PARG: variants seen among roughly 807,000 people sequenced by gnomAD.
The protein encoded by PARG is poly(ADP-ribose) glycohydrolase, also known as mitochondrial poly(ADP-ribose) glycohydrolase.
PARG carries 35 observed loss-of-function variants against 113.0 expected under a neutral mutation model. The observed-to-expected ratio is 0.31, with a 90% CI of 0.24 to 0.41. The LOEUF is 0.41. Among genes scored for constraint, PARG ranks in the 10% least tolerant of loss-of-function variants. The pLI, the probability that PARG is intolerant of heterozygous loss-of-function variation, is 1.00. For missense variants in PARG, 797 were observed against 1,169.4 expected (o/e 0.68, Z 4.64); for synonymous variants, 330 against 409.9 (o/e 0.81, Z 2.36).
chr10:49,914,383 T>C, intron 7 of PARG, among the ~76,000 whole-genome samples: 1 of 152,202 alleles, frequency 6.6e-6, no homozygotes, highest in African/African-American at 2.4e-5. Context: ...GACATTTAGA[T>C]TCAAGGATAT....
chr10:49,894,719 G>A (rs1316767422), intron 7 of PARG, among the ~76,000 whole-genome samples: 3 of 152,072 alleles, frequency 2.0e-5, no homozygotes, highest in African/African-American at 2.4e-5. Context: ...TTACTACTTC[G>A]TTCCACTGAT....
At chr10:49,879,288 C>G in intron 9 of PARG, among the ~76,000 whole-genome samples, 1 of 151,546 alleles carries the variant, frequency 6.6e-6, no homozygotes, top group Non-Finnish European at 1.5e-5. Context: ...TTTCCTCTAC[C>G]TTTCACAGTA....
In PARG at chr10:49,831,708, G is replaced by C. The variant is rs61846895; in HGVS notation, c.2647+1095C>G. 2.7e-3 allele frequency among the ~76,000 whole-genome samples: 415 copies of C among 152,272 alleles called. 3 individuals are homozygous for C. The highest frequency in any genetic ancestry group is 4.8e-3 in the Non-Finnish European group (326 of 68,010). Reference sequence around the variant, plus strand: ...GGAGAGTGGGGTGCCCTGACACTAAGGGGAAGGGTTGTAGAAGCTCTGCTT... The same window carrying C: ...GGAGAGTGGGGTGCCCTGACACTAACGGGAAGGGTTGTAGAAGCTCTGCTT... On this transcript the variant is annotated intron_variant, in intron 16 of 17. Coordinates refer to ENST00000616448, the MANE Select transcript of PARG (RefSeq NM_003631.5).
At chr10:49,856,356 T>G (rs1441151841) in intron 13 of PARG, among the ~76,000 whole-genome samples, 1 of 151,554 alleles carries the variant, frequency 6.6e-6, no homozygotes, top group Non-Finnish European at 1.5e-5. Context: ...ATTTTTGTAT[T>G]TTTAGTAGAG....
At chr10:49,902,381 A>G (rs1386544527) in intron 7 of PARG, among the ~76,000 whole-genome samples, 1 of 152,224 alleles carries the variant, frequency 6.6e-6, no homozygotes, top group African/African-American at 2.4e-5. Context: ...GTACGTAGCT[A>G]TATCACATAA....
intron 7 of PARG, among the ~76,000 whole-genome samples, chr10:49,888,876 G>C (rs1261951437): frequency 6.6e-6 from 1 of 151,856 alleles, no homozygotes; most frequent in African/African-American, 2.4e-5. Context: ...CTAAACTCTG[G>C]GTTTTGTTTT....
chr10:49,908,712 A>G (rs1385532818), intron 7 of PARG, among the ~76,000 whole-genome samples: 1 of 152,186 alleles, frequency 6.6e-6, no homozygotes, highest in African/African-American at 2.4e-5. Context: ...ATGTTAAATC[A>G]AGCTAAGTAA....
At chr10:49,892,682 A>G (rs1243753452) in intron 7 of PARG, among the ~76,000 whole-genome samples, 1 of 152,228 alleles carries the variant, frequency 6.6e-6, no homozygotes, top group African/African-American at 2.4e-5. Context: ...GGCTTTTGTC[A>G]TGTTGTCATC....
intron 7 of PARG, among the ~76,000 whole-genome samples, chr10:49,894,913 T>C (rs1320734177): frequency 3.8e-3 from 578 of 152,022 alleles, no homozygotes; most frequent in East Asian, 0.015. Flanking sequence ...CTCTTCCTGG[T>C]CTCTTCCTAG....
intron 7 of PARG, among the ~76,000 whole-genome samples, chr10:49,897,837 C>G (rs1365951355): frequency 6.6e-6 from 1 of 152,064 alleles, no homozygotes; most frequent in Non-Finnish European, 1.5e-5. Flanking sequence ...ACTAAAAATA[C>G]AAAAATTAGC....
At chr10:49,837,058 A>T (rs1554831230) in intron 15 of PARG, among the ~76,000 whole-genome samples, 1 of 152,188 alleles carries the variant, frequency 6.6e-6, no homozygotes, top group African/African-American at 2.4e-5. Flanking sequence ...TACCCAGCTG[A>T]TCTCTCACAG....
At chr10:49,840,100 C>T (rs1327879282) in intron 15 of PARG, among the ~76,000 whole-genome samples, 2 of 152,114 alleles carry the variant, frequency 1.3e-5, no homozygotes, top group Admixed American at 6.5e-5. Context: ...GTAAAAGATA[C>T]TTTTCAGGCA....
chr10:49,820,781 G>A (rs1158017637), intron 16 of PARG, among the ~76,000 whole-genome samples: 1 of 151,846 alleles, frequency 6.6e-6, no homozygotes, highest in African/African-American at 2.4e-5. Flanking sequence ...TAGTTGTGTG[G>A]CTTTTCAGAC....
At chr10:49,917,531 A>G (rs180870885) in intron 6 of PARG, among the ~76,000 whole-genome samples, 210 of 149,828 alleles carry the variant, frequency 1.4e-3, no homozygotes, top group African/African-American at 3.1e-3. Flanking sequence ...AAGAATTAAG[A>G]GATTTTGGCC....
At chr10:49,820,321 T>C (rs760494474) in intron 16 of PARG, 28 bp from the exon 17 acceptor site, 30 of 1,520,822 alleles carry the variant, frequency 2.0e-5, no homozygotes, top group Non-Finnish European at 2.6e-5. Flanking sequence ...GACACGGCTA[T>C]ATCATGACAT....
At chr10:49,891,230 C>T (rs1239070372) in intron 7 of PARG, among the ~76,000 whole-genome samples, 1 of 152,194 alleles carries the variant, frequency 6.6e-6, no homozygotes, top group Non-Finnish European at 1.5e-5. Context: ...AGGAGAATTG[C>T]CTGAACCCGG....
chr10:49,895,894 T>A (rs1426575417), intron 7 of PARG, among the ~76,000 whole-genome samples: 9 of 152,364 alleles, frequency 5.9e-5, no homozygotes, highest in Non-Finnish European at 1.2e-4. Context: ...ATGAAATTTT[T>A]AAAATTTCAT....
intron 9 of PARG, among the ~76,000 whole-genome samples, chr10:49,877,151 A>C (rs1846981720): frequency 6.6e-6 from 1 of 150,936 alleles, no homozygotes; most frequent in South Asian, 2.1e-4. Context: ...CTTATATTCA[A>C]GTCATCTGCT....
intron 16 of PARG, among the ~76,000 whole-genome samples, chr10:49,825,918 T>A (rs1326394933): frequency 6.6e-6 from 1 of 152,224 alleles, no homozygotes; most frequent in Non-Finnish European, 1.5e-5. Context: ...GTATCCCTCA[T>A]CTGAAATGTT....
Sources: allele counts gnomAD v4.1 joint callset (sites outside exome capture counted in the v4.1 genomes callset), GRCh38; gene constraint gnomAD v4.1.1; transcripts MANE v1.5; gene names NCBI Gene and HGNC (gene_info 2026-07-23, HGNC 2026-07-21).